AKR1C8: variants seen among roughly 807,000 people sequenced by gnomAD.
AKR1C8 encodes aldo-keto reductase family 1 member C8, also known as aldo-keto reductase family 1 member C-like protein 1.
chr10:5,138,208 A>G, the AKR1C8 span, among the ~76,000 whole-genome samples: 1 of 152,086 alleles, frequency 6.6e-6, no homozygotes, highest in Non-Finnish European at 1.5e-5. Flanking sequence ...ACTGCAGGAG[A>G]CCAGGGTGTA....
chr10:5,152,805 C>T, the AKR1C8 span, among the ~76,000 whole-genome samples: 1 of 152,070 alleles, frequency 6.6e-6, no homozygotes, highest in Middle Eastern at 3.2e-3. Flanking sequence ...TTTTCATTGG[C>T]CCTTCAGAGT....
the AKR1C8 span, among the ~76,000 whole-genome samples, chr10:5,178,517 T>A: frequency 6.6e-6 from 1 of 151,684 alleles, no homozygotes. Context: ...AGAGCTGAGT[T>A]CAATTCCTGG....
the AKR1C8 span, among the ~76,000 whole-genome samples, chr10:5,142,109 T>A: frequency 1.3e-5 from 2 of 152,128 alleles, no homozygotes; most frequent in Non-Finnish European, 2.9e-5. Flanking sequence ...TATTTTGCAC[T>A]TTTTTGTTAT....
chr10:5,177,965 G>C, the AKR1C8 span, among the ~76,000 whole-genome samples: 9 of 152,014 alleles, frequency 5.9e-5, no homozygotes, highest in African/African-American at 2.2e-4. Flanking sequence ...AGGGTTTTTT[G>C]TGTCTCTATT....
At chr10:5,178,691 T>C in the AKR1C8 span, among the ~76,000 whole-genome samples, 7 of 152,198 alleles carry the variant, frequency 4.6e-5, no homozygotes, top group Admixed American at 1.3e-4. Flanking sequence ...ATATTTAGGA[T>C]AGTTAGGTCT....
At chr10:5,154,272 C>A in the AKR1C8 span, 3 of 457,156 alleles carry the variant, frequency 6.6e-6, no homozygotes, top group East Asian at 1.4e-4. Context: ...CTAAAATTCC[C>A]GAATTTACCA....
the AKR1C8 span, among the ~76,000 whole-genome samples, chr10:5,167,564 C>T: frequency 1.3e-5 from 2 of 152,166 alleles, no homozygotes; most frequent in African/African-American, 2.4e-5. Flanking sequence ...TGTTCTCACT[C>T]ATAGGTGGGA....
chr10:5,161,740 C>T, the AKR1C8 span: 4 of 534,710 alleles, frequency 7.5e-6, no homozygotes, highest in South Asian at 5.6e-5. Context: ...ATGCACCTCA[C>T]TCAAATCTGC....
chr10:5,172,688 T>G, the AKR1C8 span, among the ~76,000 whole-genome samples: 1 of 152,150 alleles, frequency 6.6e-6, no homozygotes, highest in Non-Finnish European at 1.5e-5. Context: ...CTGGCAACTC[T>G]TAAGACATTT....
At chr10:5,121,798 T>C in the AKR1C8 span, among the ~76,000 whole-genome samples, 68 of 152,252 alleles carry the variant, frequency 4.5e-4, 1 homozygote, top group East Asian at 4.1e-3. Context: ...CCTTCTAGTC[T>C]AATGGGTAAG....
chr10:5,168,122 A>G, the AKR1C8 span, among the ~76,000 whole-genome samples: 1 of 152,108 alleles, frequency 6.6e-6, no homozygotes, highest in Admixed American at 6.6e-5. Flanking sequence ...TAATTTTAAT[A>G]CTATCCAACA....
the AKR1C8 span, among the ~76,000 whole-genome samples, chr10:5,137,367 C>A: frequency 1.3e-5 from 2 of 152,028 alleles, no homozygotes; most frequent in Non-Finnish European, 2.9e-5. Context: ...ACTGGCAAAC[C>A]GAATCCAGCA....
At chr10:5,153,207 A>AT in the AKR1C8 span, among the ~76,000 whole-genome samples, 1 of 150,822 alleles carries the variant, frequency 6.6e-6, no homozygotes, top group Non-Finnish European at 1.5e-5. Flanking sequence ...AACGTGTGGC[A>AT]TACAATGGAT....
chr10:5,148,840 C>T, the AKR1C8 span, among the ~76,000 whole-genome samples: 4 of 152,034 alleles, frequency 2.6e-5, no homozygotes, highest in Non-Finnish European at 5.9e-5. Context: ...TTCTTTCTTT[C>T]CTTTCTTAGT....
At chr10:5,177,657 A>T in the AKR1C8 span, among the ~76,000 whole-genome samples, 6 of 152,116 alleles carry the variant, frequency 3.9e-5, no homozygotes, top group East Asian at 3.9e-4. Flanking sequence ...CAATTTCAGA[A>T]CCTGTTATTG....
chr10:5,163,041 G>A, the AKR1C8 span: 422 of 518,754 alleles, frequency 8.1e-4, 1 homozygote, highest in Non-Finnish European at 1.4e-3. Flanking sequence ...GGAGTAAAGA[G>A]TTGTTGATCT....
the AKR1C8 span, chr10:5,157,561 A>T: frequency 2.5e-6 from 1 of 405,354 alleles, no homozygotes; most frequent in African/African-American, 2.1e-5. Context: ...CACGTGTCGC[A>T]TTCTCCCATG....
At chr10:5,155,363 G>A in the AKR1C8 span, 4 of 154,960 alleles carry the variant, frequency 2.6e-5, no homozygotes, top group African/African-American at 9.6e-5. Context: ...AGGTTTGTAG[G>A]TCCTACACAC....
chr10:5,130,169 C>A, the AKR1C8 span, among the ~76,000 whole-genome samples: 11 of 151,648 alleles, frequency 7.3e-5, no homozygotes, highest in African/African-American at 2.4e-4. Context: ...AAAAGAAAAA[C>A]CATATGGTTA....
Sources: gnomAD v4.1 joint callset for allele counts (sites outside exome capture counted in the v4.1 genomes callset) on GRCh38, gnomAD v4.1.1 for gene constraint, MANE v1.5 for transcripts, NCBI Gene and HGNC (gene_info 2026-07-23, HGNC 2026-07-21) for gene names.